Variants in TRIM36 observed in about 807,000 individuals in gnomAD.
TRIM36 encodes tripartite motif containing 36, also known as E3 ubiquitin-protein ligase TRIM36.
TRIM36 carries 42 observed loss-of-function variants against 72.4 expected under a neutral mutation model. The observed-to-expected ratio is 0.58, with a 90% CI of 0.45 to 0.75. TRIM36 has a LOEUF of 0.75. Among genes scored for constraint, TRIM36 ranks in the 30% least tolerant of loss-of-function variants. The pLI, the probability that TRIM36 is intolerant of heterozygous loss-of-function variation, is 0.00. For missense variants in TRIM36, 913 were observed against 857.1 expected (o/e 1.07, Z -0.81); for synonymous variants, 315 against 282.8 (o/e 1.11, Z -1.14).
intron 2 of TRIM36, among the ~76,000 whole-genome samples, chr5:115,152,067 A>C (rs1753922524): frequency 6.6e-6 from 1 of 152,224 alleles, no homozygotes; most frequent in Admixed American, 6.5e-5. Flanking sequence ...TTACTAAGCT[A>C]ATCGAGGAGA....
At chr5:115,127,094 C>T (rs1752396233) in intron 9 of TRIM36, among the ~76,000 whole-genome samples, 1 of 152,118 alleles carries the variant, frequency 6.6e-6, no homozygotes, top group African/African-American at 2.4e-5. Flanking sequence ...GAAGTGAAAC[C>T]CTAGAAAATC....
chr5:115,125,104 G>T lies in TRIM36; in HGVS notation c.*1399C>A, dbSNP rs1236407274. The stretch of plus-strand genomic sequence containing the variant: ...AGCTAATTTAATGCTACCAGCCTGA[G>T]TAACAGATTTCCATTAAAAATATAA... On this transcript the variant is annotated 3_prime_UTR_variant, in exon 10 of 10. Coordinates refer to ENST00000513154, the MANE Select transcript of TRIM36 (RefSeq NM_001300759.2). The T allele has an allele frequency of 1.3e-5, 2 of 152,360 alleles. No homozygotes were observed. Among genetic ancestry groups the T allele is most frequent in the African/African-American group, 4.8e-5 (2 of 41,406 alleles). 9.4% of individuals were successfully genotyped at this position (152,360 alleles called of 1,614,324 possible).
intron 2 of TRIM36, among the ~76,000 whole-genome samples, chr5:115,162,088 G>A (rs1754516870): frequency 6.6e-6 from 1 of 152,112 alleles, no homozygotes; most frequent in African/African-American, 2.4e-5. Context: ...CTCTGCTAGA[G>A]ATATCCAGCA....
rs746338867 is a variant in TRIM36 at position 115,126,645 on chromosome 5, A to T, written c.2009T>A (p.Met670Lys). Reference protein sequence around the residue: ...CDKGKVDFYDMDQMKCLYERQ... With the variant: ...CDKGKVDFYDKDQMKCLYERQ... Reference sequence around the variant, plus strand: ...TTCATAAAGGCATTTCATCTGATCCATATCATAGAAATCTACTTTGCCTTT... The same window carrying T: ...TTCATAAAGGCATTTCATCTGATCCTTATCATAGAAATCTACTTTGCCTTT... Residue 670 changes from methionine to lysine, a missense_variant, in exon 10 of 10, where the codon ATG becomes AAG. Met to Lys is a moderately conservative substitution (Grantham distance 95). Coordinates refer to ENST00000513154, the MANE Select transcript of TRIM36 (RefSeq NM_001300759.2). 2 of 1,614,066 alleles carry T rather than the reference A, an allele frequency of 1.2e-6. No homozygotes were observed. The highest frequency in any genetic ancestry group is 2.7e-5 in the African/African-American group (2 of 74,944).
intron 1 of TRIM36, among the ~76,000 whole-genome samples, chr5:115,169,300 A>G (rs1754961676): frequency 6.6e-6 from 1 of 152,184 alleles, no homozygotes; most frequent in Non-Finnish European, 1.5e-5. Flanking sequence ...AATTAATTCT[A>G]CAGCCTGAGC....
At chr5:115,143,365 C>CA (rs1753390798) in intron 4 of TRIM36, among the ~76,000 whole-genome samples, 1 of 151,528 alleles carries the variant, frequency 6.6e-6, no homozygotes, top group Non-Finnish European at 1.5e-5. Context: ...ACAAAAGACC[C>CA]AAACGTTTCC....
At chr5:115,157,937 A>G (rs943250900) in intron 2 of TRIM36, among the ~76,000 whole-genome samples, 1 of 152,134 alleles carries the variant, frequency 6.6e-6, no homozygotes, top group African/African-American at 2.4e-5. Flanking sequence ...CATAAGAATA[A>G]CACAATGGAC....
At chr5:115,154,354 A>T (rs1429149464) in intron 2 of TRIM36, among the ~76,000 whole-genome samples, 1 of 152,040 alleles carries the variant, frequency 6.6e-6, no homozygotes, top group African/African-American at 2.4e-5. Flanking sequence ...AACTAAATGA[A>T]ATTGAAACAA....
intron 5 of TRIM36, among the ~76,000 whole-genome samples, chr5:115,139,139 G>C (rs746217021): frequency 5.3e-5 from 7 of 133,246 alleles, no homozygotes; most frequent in Non-Finnish European, 1.1e-4. Flanking sequence ...CTTTTTTTTT[G>C]AAACGGAGTC....
At chr5:115,149,994 C>T (rs1383129328) in intron 2 of TRIM36, among the ~76,000 whole-genome samples, 2 of 152,262 alleles carry the variant, frequency 1.3e-5, no homozygotes, top group Non-Finnish European at 2.9e-5. Flanking sequence ...CTCCTGACCT[C>T]GTGATCCACC....
At chr5:115,155,016 A>T (rs1296046436) in intron 2 of TRIM36, among the ~76,000 whole-genome samples, 1 of 151,806 alleles carries the variant, frequency 6.6e-6, no homozygotes, top group Admixed American at 6.6e-5. Context: ...CCTCGTCTCT[A>T]CTAAAAATAC....
At chr5:115,132,184 A>ATGTGTG (rs141231840) in intron 8 of TRIM36, among the ~76,000 whole-genome samples, 122 of 140,180 alleles carry the variant, frequency 8.7e-4, no homozygotes, top group Non-Finnish European at 1.4e-3. Flanking sequence ...CTCTCTCTCT[A>ATGTGTG]TGTGTGTGTG....
intron 2 of TRIM36, among the ~76,000 whole-genome samples, chr5:115,158,566 A>C (rs996047173): frequency 1.3e-5 from 2 of 152,150 alleles, no homozygotes; most frequent in East Asian, 3.8e-4. Flanking sequence ...ACCTCTCCCA[A>C]TGGTGGACAC....
upstream of TRIM36, chr5:115,171,234 G>A (rs1755104343): frequency 1.2e-6 from 2 of 1,614,056 alleles, no homozygotes; most frequent in Non-Finnish European, 1.7e-6. Context: ...TAAATAAGGA[G>A]TGTAGAATTA....
rs548317924 is a variant in TRIM36 at position 115,149,307 on chromosome 5, T to G, written c.263-1913A>C. ...TAGGAAAGAAAACAAGCCAAACAAT[T>G]CTGGAGATGGTATGGTGCAGTGGTC... On this transcript the variant is annotated intron_variant, in intron 2 of 9. Coordinates refer to ENST00000513154, the MANE Select transcript of TRIM36 (RefSeq NM_001300759.2). 1.7e-4 allele frequency: 26 copies of G among 151,908 alleles called. No homozygotes were observed. The East Asian group carries it at 4.4e-3, about 26-fold the overall frequency. The allele number at this position is 151,908 out of a possible 1,614,324, so 9.4% of individuals were successfully genotyped here.
chr5:115,149,369 G>T (rs1420363257), intron 2 of TRIM36: 1 of 151,586 alleles, frequency 6.6e-6, no homozygotes, highest in Non-Finnish European at 1.5e-5. Context: ...ATAATCGCAG[G>T]TTTCCACACA....
At chr5:115,127,667 A>G (rs1339346373) in intron 9 of TRIM36, among the ~76,000 whole-genome samples, 1 of 152,204 alleles carries the variant, frequency 6.6e-6, no homozygotes, top group African/African-American at 2.4e-5. Flanking sequence ...ACTGGTGTAA[A>G]CAGTGCTTAA....
At position 115,169,809 on chromosome 5, in the gene TRIM36, A is replaced by G. The variant is rs1458926434; in HGVS notation, c.-175T>C. The G allele has an allele frequency of 1.5e-6, 2 of 1,317,186 alleles. No individual in the cohort carries two copies. The highest frequency in any genetic ancestry group is 3.0e-5 in the African/African-American group (2 of 65,792). 81.6% of individuals were successfully genotyped at this position (1,317,186 alleles called of 1,614,324 possible). ...GACGCGGGGAGAAGTAAGCCGGGGC[A>G]GGCAAAAGCACAGGCGCGGGAGAAG... On this transcript the variant is annotated 5_prime_UTR_variant, in exon 1 of 10. Coordinates refer to ENST00000513154, the MANE Select transcript of TRIM36 (RefSeq NM_001300759.2).
At position 115,158,295 on chromosome 5, in the gene TRIM36, T is replaced by C. The variant is rs201327672; in HGVS notation, c.262+5223A>G. Among the ~76,000 whole-genome samples the C allele has an allele frequency of 1.8e-4, 28 of 152,278 alleles. No individual in the cohort carries two copies. In the East Asian group the frequency reaches 5.2e-3, roughly 28 times the overall value. On this transcript the variant is annotated intron_variant, in intron 2 of 9. Coordinates refer to ENST00000513154, the MANE Select transcript of TRIM36 (RefSeq NM_001300759.2). ...TTCTTTTTCCCACAAATCTTTCCTT[T>C]GAAGGTAGATTAAAAAGTCAGCATA...
Sources: allele counts gnomAD v4.1 joint callset (sites outside exome capture counted in the v4.1 genomes callset), GRCh38; gene constraint gnomAD v4.1.1; transcripts MANE v1.5; gene names NCBI Gene and HGNC (gene_info 2026-07-23, HGNC 2026-07-21).